The following ANO1 variants were observed in gnomAD, a reference collection of about 807,000 sequenced individuals.
The protein encoded by ANO1 is anoctamin 1.
A neutral mutation model predicts 124.0 loss-of-function variants in ANO1; 59 were observed. The observed-to-expected ratio is 0.48, with a 90% confidence interval of 0.39 to 0.59. The LOEUF is 0.59. ANO1 is among the 20% of genes least tolerant of loss of function. ANO1 has a pLI of 0.00. For synonymous variants in ANO1, 529 were observed against 532.0 expected, an observed-to-expected ratio of 0.99 and a Z score of 0.08; for missense variants, 1,059 against 1,328.0, an observed-to-expected ratio of 0.80 and a Z score of 3.15.
chr11:70,058,902 C>G (rs746740231), intron 1 of ANO1, among the ~76,000 whole-genome samples: 2 of 151,906 alleles, frequency 1.3e-5, no homozygotes, highest in African/African-American at 4.8e-5. Context: ...GACTATTGTC[C>G]GCCGAGTGCG....
chr11:70,048,242 T>C (rs1281996702), intron 1 of ANO1, among the ~76,000 whole-genome samples: 1 of 152,258 alleles, frequency 6.6e-6, no homozygotes, highest in East Asian at 1.9e-4. Flanking sequence ...TTTGAATTTT[T>C]GAAACATAGT....
chr11:70,053,468 C>G (rs1857386109), intron 1 of ANO1, among the ~76,000 whole-genome samples: 1 of 151,896 alleles, frequency 6.6e-6, no homozygotes, highest in Admixed American at 6.6e-5. Context: ...TAAATTTTAC[C>G]AAATGCTTTT....
At chr11:70,034,283 G>A (rs541533434) in intron 1 of ANO1, among the ~76,000 whole-genome samples, 1 of 152,234 alleles carries the variant, frequency 6.6e-6, no homozygotes, top group East Asian at 1.9e-4. Flanking sequence ...GTCGGGAGGG[G>A]CAGGCACAGT....
At chr11:70,172,485 G>C (rs1449331676) in intron 22 of ANO1, among the ~76,000 whole-genome samples, 2 of 152,198 alleles carry the variant, frequency 1.3e-5, no homozygotes, top group South Asian at 4.1e-4. Flanking sequence ...TACATATTGG[G>C]GATATCACCT....
intron 10 of ANO1, among the ~76,000 whole-genome samples, chr11:70,130,152 C>A (rs1404396708): frequency 6.6e-6 from 1 of 152,204 alleles, no homozygotes; most frequent in Non-Finnish European, 1.5e-5. Flanking sequence ...CCGACCCAAC[C>A]AGCCAGGGTG....
rs554327775 is a variant in ANO1 at position 70,023,411 on chromosome 11, G to A, written c.58+37245G>A. On this transcript the variant is annotated intron_variant, in intron 1 of 27. Transcript: ENST00000531349. ...TGTCTAGTGGATTTGTTCATGGCACGTCTTGTCAGAGGCTTCTTAGATGCC... is the reference window on the plus strand; with the variant it reads ...TGTCTAGTGGATTTGTTCATGGCACATCTTGTCAGAGGCTTCTTAGATGCC... Among the ~76,000 whole-genome samples, 16 of 152,334 alleles carry A rather than the reference G, an allele frequency of 1.1e-4. No individual in the cohort carries two copies. In the South Asian group the frequency reaches 2.3e-3, roughly 22 times the overall value.
chr11:69,990,487 C>G (rs1158483663), intron 1 of ANO1, among the ~76,000 whole-genome samples: 1 of 152,160 alleles, frequency 6.6e-6, no homozygotes, highest in Admixed American at 6.5e-5. Flanking sequence ...TTCCTATTGT[C>G]AAATTTCTGA....
chr11:70,070,323 A>G lies in ANO1; in HGVS notation c.59-8219A>G, dbSNP rs190838903. 3.3e-3 allele frequency among the ~76,000 whole-genome samples: 505 copies of G among 152,316 alleles called. 5 individuals carry two copies. Among genetic ancestry groups the G allele is most frequent in the Non-Finnish European group, 3.0e-3 (206 of 68,028 alleles). ...TGATGAAGCGAACTCCTCTGCAGAT[A>G]AGGGGTGGCGGATTCTATGGAGAAA... On this transcript the variant is annotated intron_variant, in intron 1 of 27. Transcript: ENST00000531349.
chr11:69,979,447 T>C, the ANO1 span, among the ~76,000 whole-genome samples: 1 of 152,222 alleles, frequency 6.6e-6, no homozygotes, highest in Non-Finnish European at 1.5e-5. Context: ...GAGCAAGCCA[T>C]TCTTCCTCTC....
At chr11:70,014,768 A>G (rs575247547) in intron 1 of ANO1, 1 of 151,988 alleles carries the variant, frequency 6.6e-6, no homozygotes, top group African/African-American at 2.4e-5. Flanking sequence ...ACAGCCCTGC[A>G]AGGGAGTTCC....
At chr11:70,179,919 G>A (rs1273535283) in intron 22 of ANO1, 85 bp from the exon 23 acceptor site, 3 of 1,284,334 alleles carry the variant, frequency 2.3e-6, no homozygotes, top group Non-Finnish European at 3.4e-6. Context: ...CCCTGCAAGG[G>A]TGGTACCCGC....
chr11:70,111,620 G>A lies in ANO1; in HGVS notation c.800-87G>A. 3.1e-6 allele frequency: 4 copies of A among 1,308,060 alleles called. No homozygotes were observed. The East Asian group carries it at 6.9e-5, about 23-fold the overall frequency. 81.0% of individuals were successfully genotyped at this position (1,308,060 alleles called of 1,614,324 possible). A position where few individuals can be genotyped will look rare whatever the true frequency, so the allele number is the denominator to read the frequency against. ...TCATTTTGAGAAGCTCTTAGTGGCT[G>A]AGATGGCCCTGTGACCGCTGTGACT... On this transcript the variant is annotated intron_variant, in intron 6 of 25. Transcript: ENST00000355303.
At chr11:70,148,821 A>G (rs1163046910) in intron 11 of ANO1, among the ~76,000 whole-genome samples, 1 of 152,198 alleles carries the variant, frequency 6.6e-6, no homozygotes, top group Non-Finnish European at 1.5e-5. Flanking sequence ...CCTGCCTCAC[A>G]TACAAGTCAC....
chr11:70,169,157 C>T (rs1052651314), intron 21 of ANO1, among the ~76,000 whole-genome samples: 16 of 152,114 alleles, frequency 1.1e-4, no homozygotes, highest in Admixed American at 2.0e-4. Context: ...CAGTGGGCCG[C>T]GAGAGTGGCA....
chr11:69,989,064 C>T lies in ANO1; in HGVS notation c.58+2898C>T, dbSNP rs139243166. Among the ~76,000 whole-genome samples the T allele has an allele frequency of 5.1e-3, 779 of 152,190 alleles. 2 individuals carry two copies. Among genetic ancestry groups the T allele is most frequent in the Admixed American group, 0.014 (217 of 15,280 alleles). ...CTAATGTTGGTTGAGCAGGTGACTG[C>T]GTGCCAGTCACCCATGGAAGCCCTG... On this transcript the variant is annotated intron_variant, in intron 1 of 27. Coordinates refer to the ANO1 transcript ENST00000531349.
At chr11:70,023,767 A>C (rs781990432) in intron 1 of ANO1, among the ~76,000 whole-genome samples, 4 of 152,196 alleles carry the variant, frequency 2.6e-5, no homozygotes, top group African/African-American at 9.7e-5. Context: ...CAGCATCTGC[A>C]TAGGAGTGTG....
chr11:70,012,221 T>A (rs554601818), intron 1 of ANO1, among the ~76,000 whole-genome samples: 2 of 151,932 alleles, frequency 1.3e-5, no homozygotes, highest in East Asian at 2.0e-4. Context: ...CATCCAGCAA[T>A]CTATCTATTC....
At chr11:70,088,108 TTGTGGGGGGTGGGGGGTGGGCTG>T in intron 2 of ANO1, 24 bp downstream of exon 2, 1 of 265,128 alleles carries the variant, frequency 3.8e-6, no homozygotes, top group Non-Finnish European at 5.1e-6. Flanking sequence ...TGCGCGCTGT[TTGTGGGGGGTGGGGGGTGGGCTG>T]CGTGGGGGGC....
chr11:70,006,663 C>CTTTTTTTTTTTTTTT (rs56851839), intron 1 of ANO1, among the ~76,000 whole-genome samples: 26 of 88,994 alleles, frequency 2.9e-4, no homozygotes, highest in Non-Finnish European at 3.8e-4. Context: ...TTTCTTCTTT[C>CTTTTTTTTTTTTTTT]TTTTTTTTTT....
Sources: allele counts gnomAD v4.1 joint callset (sites outside exome capture counted in the v4.1 genomes callset), GRCh38; gene constraint gnomAD v4.1.1; transcripts MANE v1.5; gene names NCBI Gene and HGNC (gene_info 2026-07-23, HGNC 2026-07-21).